Variants in TMEM45A observed in about 807,000 individuals in gnomAD.
The protein encoded by TMEM45A is DNA polymerase-transactivated protein 4.
Under a neutral mutation model 32.0 loss-of-function variants are expected in TMEM45A, and 25 were observed. The observed-to-expected ratio is 0.78, with a 90% CI of 0.57 to 1.09. The LOEUF is 1.09. Among genes scored for constraint, TMEM45A ranks in the 50% least tolerant of loss-of-function variants. TMEM45A has a pLI of 0.00. For missense variants in TMEM45A, 302 were observed against 325.0 expected (o/e 0.93, Z 0.54); for synonymous variants, 122 against 114.8 (o/e 1.06, Z -0.40).
intron 1 of TMEM45A, among the ~76,000 whole-genome samples, chr3:100,514,373 G>A (rs1708223478): frequency 6.6e-6 from 1 of 152,038 alleles, no homozygotes; most frequent in South Asian, 2.1e-4. Flanking sequence ...CAAGCAATGG[G>A]GAAAGGATTC....
chr3:100,497,994 T>A (rs1262007885), intron 1 of TMEM45A, among the ~76,000 whole-genome samples: 2 of 152,198 alleles, frequency 1.3e-5, no homozygotes, highest in Non-Finnish European at 1.5e-5. Flanking sequence ...ATCCCCATAA[T>A]CCACACGTGG....
intron 1 of TMEM45A, among the ~76,000 whole-genome samples, chr3:100,536,547 T>C (rs541025648): frequency 1.3e-5 from 2 of 152,324 alleles, no homozygotes; most frequent in South Asian, 2.1e-4. Context: ...GTTGAAAGCA[T>C]GAATGGATCC....
chr3:100,558,177 G>C (rs1706260763), intron 3 of TMEM45A, among the ~76,000 whole-genome samples: 1 of 152,188 alleles, frequency 6.6e-6, no homozygotes, highest in South Asian at 2.1e-4. Context: ...ATGTGTTAGA[G>C]AGAGAATAAA....
chr3:100,556,786 G>A lies in TMEM45A; in HGVS notation c.217G>A (p.Gly73Arg). The change falls in exon 3 of 6, where the codon GGA becomes AGA. Residue 73 changes from glycine (G) to arginine (R), a missense_variant. Transcript: ENST00000323523. ...TGMAGEQFIP[G>R]GPHLMLYDYK... ...CATGGCTGGGGAGCAGTTTATTCCT[G>A]GAGGGCCCCATCTGATGTTATATGA... The A allele has an allele frequency of 6.2e-7, 1 of 1,613,726 alleles. No homozygotes were observed. The highest frequency in any genetic ancestry group is 1.1e-5 in the South Asian group (1 of 91,052).
chr3:100,561,745 G>A lies in TMEM45A; in HGVS notation c.588+3156G>A, dbSNP rs114913943. Among the ~76,000 whole-genome samples the A allele has an allele frequency of 3.3e-3, 507 of 152,282 alleles. 3 individuals are homozygous for A. Among genetic ancestry groups the A allele is most frequent in the African/African-American group, 0.012 (484 of 41,550 alleles). ...CAGTCATCCTCACCGCCCAGGTGCA[G>A]GGACAATCAGGGAATGAGGAAGGTG... On this transcript the variant is annotated intron_variant, in intron 4 of 5. Transcript: ENST00000323523.
At chr3:100,544,292 C>T (rs1370887019) in intron 1 of TMEM45A, among the ~76,000 whole-genome samples, 1 of 152,154 alleles carries the variant, frequency 6.6e-6, no homozygotes, top group Non-Finnish European at 1.5e-5. Context: ...CATTAACCAT[C>T]ATAACCATGT....
chr3:100,569,923 G>A (rs1314956102), intron 5 of TMEM45A, among the ~76,000 whole-genome samples: 1 of 152,176 alleles, frequency 6.6e-6, no homozygotes, highest in Non-Finnish European at 1.5e-5. Context: ...TGAAGCTGCA[G>A]CTTGAAGGAT....
At chr3:100,509,539 TC>T (rs1343498683) in intron 1 of TMEM45A, among the ~76,000 whole-genome samples, 1 of 152,202 alleles carries the variant, frequency 6.6e-6, no homozygotes, top group Non-Finnish European at 1.5e-5. Flanking sequence ...AACCTAAGTG[TC>T]TATCAATGAA....
At chr3:100,521,814 C>T (rs1281445781) in intron 1 of TMEM45A, among the ~76,000 whole-genome samples, 2 of 152,232 alleles carry the variant, frequency 1.3e-5, no homozygotes. Context: ...CTCCTGCCCA[C>T]GTCCTCTAGG....
At chr3:100,548,711 A>G (rs879033413) in intron 1 of TMEM45A, among the ~76,000 whole-genome samples, 1 of 152,180 alleles carries the variant, frequency 6.6e-6, no homozygotes, top group Non-Finnish European at 1.5e-5. Flanking sequence ...TGGTTTGTTC[A>G]GTCTATCATA....
chr3:100,497,472 T>C (rs78932462), intron 1 of TMEM45A, among the ~76,000 whole-genome samples: 2,129 of 152,288 alleles, frequency 0.014, 21 homozygotes, highest in Admixed American at 0.023. Flanking sequence ...TACATTCACA[T>C]TGTGTGTAAC....
At chr3:100,565,077 C>T (rs188272857) in intron 4 of TMEM45A, among the ~76,000 whole-genome samples, 1 of 152,170 alleles carries the variant, frequency 6.6e-6, no homozygotes, top group East Asian at 1.9e-4. Context: ...CCAGAAACTA[C>T]TGGTCTGGAT....
intron 1 of TMEM45A, among the ~76,000 whole-genome samples, chr3:100,505,285 G>T (rs1490383006): frequency 2.6e-5 from 4 of 152,160 alleles, no homozygotes; most frequent in Non-Finnish European, 5.9e-5. Flanking sequence ...CATGGAAAAT[G>T]GTTCATTTAG....
intron 1 of TMEM45A, chr3:100,519,389 G>GTGTGTGTGTGTGTGCA: frequency 1.5e-5 from 2 of 134,804 alleles, no homozygotes; most frequent in Non-Finnish European, 2.2e-5. Flanking sequence ...GTGTGTGCAT[G>GTGTGTGTGTGTGTGCA]TGTGTGTGTG....
intron 1 of TMEM45A, among the ~76,000 whole-genome samples, chr3:100,552,374 G>A (rs1706126344): frequency 1.3e-5 from 2 of 152,128 alleles, no homozygotes; most frequent in African/African-American, 4.8e-5. Flanking sequence ...TGAGGACTGG[G>A]TGCCTTGAAA....
At position 100,528,629 on chromosome 3, in the gene TMEM45A, T is replaced by C. The variant is rs189135250; in HGVS notation, c.-3-26580T>C. ...CAGACTAGAAACTCTCCACCTTTTC[T>C]TGTCTAAATTTGAATTTAAAGGAGA... On this transcript the variant is annotated intron_variant, in intron 1 of 5. Coordinates refer to ENST00000323523, the MANE Select transcript of TMEM45A (RefSeq NM_018004.3). Among the ~76,000 whole-genome samples the C allele has an allele frequency of 1.1e-3, 173 of 152,318 alleles. 1 individual carries two copies. The highest frequency in any genetic ancestry group is 3.2e-3 in the Admixed American group (49 of 15,294).
chr3:100,569,569 A>G (rs1044616878), intron 5 of TMEM45A, among the ~76,000 whole-genome samples: 3 of 152,234 alleles, frequency 2.0e-5, no homozygotes, highest in Admixed American at 1.3e-4. Flanking sequence ...CTTTGGGCCA[A>G]TTACTTAACC....
chr3:100,521,068 G>A (rs1261228924), intron 1 of TMEM45A, among the ~76,000 whole-genome samples: 2 of 152,132 alleles, frequency 1.3e-5, no homozygotes, highest in South Asian at 2.1e-4. Flanking sequence ...AACCCCTTTC[G>A]GAGCTAGGAG....
intron 5 of TMEM45A, among the ~76,000 whole-genome samples, chr3:100,569,749 T>C (rs61403861): frequency 6.6e-6 from 1 of 151,924 alleles, no homozygotes; most frequent in African/African-American, 2.4e-5. Flanking sequence ...CTCTTTGGCA[T>C]AAAAAAAATG....
Sources: gnomAD v4.1 joint callset for allele counts (sites outside exome capture counted in the v4.1 genomes callset) on GRCh38, gnomAD v4.1.1 for gene constraint, MANE v1.5 for transcripts, NCBI Gene and HGNC (gene_info 2026-07-23, HGNC 2026-07-21) for gene names.